TRIP12: variants seen among roughly 807,000 people sequenced by gnomAD.
TRIP12 encodes the protein thyroid hormone receptor interactor 12, also known as E3 ubiquitin-protein ligase TRIP12.
A neutral mutation model predicts 244.2 loss-of-function variants in TRIP12; 25 were observed. The ratio of observed to expected loss-of-function variants is 0.10; its 90% CI spans 0.07 to 0.14. The LOEUF is 0.14. Ranked by LOEUF, TRIP12 falls within the 10% of genes least tolerant of loss-of-function variation. TRIP12 has a pLI of 1.00. For missense variants in TRIP12, 1,677 were observed against 2,486.4 expected (o/e 0.67, Z 6.92); for synonymous variants, 905 against 873.1 (o/e 1.04, Z -0.64).
chr2:229,849,210 C>CA (rs1487359889), intron 4 of TRIP12, among the ~76,000 whole-genome samples: 45 of 152,110 alleles, frequency 3.0e-4, no homozygotes, highest in African/African-American at 1.1e-3. Flanking sequence ...AAAACAACAA[C>CA]AAAAAGGAAT....
chr2:229,817,829 A>G (rs2048884668), intron 9 of TRIP12, among the ~76,000 whole-genome samples: 1 of 152,310 alleles, frequency 6.6e-6, no homozygotes, highest in African/African-American at 2.4e-5. Flanking sequence ...TCCTGACCTC[A>G]GAAGATCCAC....
intron 8 of TRIP12, among the ~76,000 whole-genome samples, chr2:229,824,204 T>C (rs1305340597): frequency 6.6e-6 from 1 of 152,142 alleles, no homozygotes; most frequent in South Asian, 2.1e-4. Context: ...ACCAATGAAT[T>C]TGCATTATAC....
At chr2:229,786,188 C>T (rs1240796607) in intron 33 of TRIP12, among the ~76,000 whole-genome samples, 1 of 152,076 alleles carries the variant, frequency 6.6e-6, no homozygotes, top group African/African-American at 2.4e-5. Context: ...TGAAATTTCC[C>T]TGGGTACATT....
chr2:229,824,512 T>C (rs2050965716), intron 8 of TRIP12, among the ~76,000 whole-genome samples: 1 of 151,434 alleles, frequency 6.6e-6, no homozygotes, highest in Non-Finnish European at 1.5e-5. Flanking sequence ...GCCTTGCCAA[T>C]AGAAAAAAAA....
intron 4 of TRIP12, among the ~76,000 whole-genome samples, chr2:229,850,756 T>C (rs1330013257): frequency 6.6e-6 from 1 of 152,176 alleles, no homozygotes; most frequent in Admixed American, 6.5e-5. Flanking sequence ...CACCCGGCGC[T>C]TGCGGGCCAG....
At chr2:229,767,776 G>A (rs2032276733) in intron 41 of TRIP12, 26 bp from the exon 42 acceptor site, 1 of 1,587,452 alleles carries the variant, frequency 6.3e-7, no homozygotes. Flanking sequence ...AGAAAGACAA[G>A]GAACTTAAGT....
chr2:229,858,951 C>T lies in TRIP12; in HGVS notation c.848G>A (p.Ser283Asn). Residue 283 changes from serine (S) to asparagine (N), a missense_variant, in exon 4 of 42, where the codon AGC becomes AAC. By Grantham distance (46) the Ser-to-Asn change is conservative (BLOSUM62 1). Transcript: ENST00000675903. Reference sequence around the variant, plus strand: ...CTTTTCCCTGCTACTTCTTCTGGGGCTGGGACTGGACGCTGAACGGGAACG... The same window carrying T: ...CTTTTCCCTGCTACTTCTTCTGGGGTTGGGACTGGACGCTGAACGGGAACG... Reference protein sequence around the residue: ...ARRSRSASSPSPRRSSREKEQ... With the variant: ...ARRSRSASSPNPRRSSREKEQ... The T allele has an allele frequency of 6.2e-7, 1 of 1,614,180 alleles. No individual in the cohort carries two copies. The highest frequency in any genetic ancestry group is 2.2e-5 in the East Asian group (1 of 44,876).
intron 1 of TRIP12, among the ~76,000 whole-genome samples, chr2:229,901,394 G>C (rs2070774565): frequency 6.6e-6 from 1 of 151,700 alleles, no homozygotes; most frequent in South Asian, 2.1e-4. Flanking sequence ...GCTAAGGTGG[G>C]TGGATCACCT....
intron 39 of TRIP12, among the ~76,000 whole-genome samples, chr2:229,771,124 G>GA (rs1378747403): frequency 6.6e-6 from 1 of 152,188 alleles, no homozygotes; most frequent in East Asian, 1.9e-4. Flanking sequence ...CTTTGATTGT[G>GA]AAACAATGTC....
Position 229,814,215 on chromosome 2 carries a change from T to C in TRIP12, c.1824+18A>G. 1.2e-6 allele frequency: 2 copies of C among 1,611,286 alleles called. No homozygotes were observed. Among genetic ancestry groups the C allele is most frequent in the East Asian group, 2.2e-5 (1 of 44,868 alleles). On this transcript the variant is annotated intron_variant, in intron 12 of 41. Transcript: ENST00000675903. ...CTACATAAAGTGAAATGTAGTCCCC[T>C]TCAGTAACAACACTTACCGCCTGTA...
intron 2 of TRIP12, among the ~76,000 whole-genome samples, chr2:229,863,228 C>CG: frequency 7.8e-6 from 1 of 128,066 alleles, no homozygotes; most frequent in Non-Finnish European, 1.6e-5. Flanking sequence ...GACTCCATCT[C>CG]GAAAAAAAAA....
At chr2:229,852,089 G>A (rs901195721) in intron 4 of TRIP12, among the ~76,000 whole-genome samples, 2 of 152,132 alleles carry the variant, frequency 1.3e-5, no homozygotes, top group African/African-American at 4.8e-5. Context: ...TCTTGTCTAG[G>A]TCTGATAAAA....
intron 39 of TRIP12, 30 bp downstream of exon 39, chr2:229,771,489 G>T: frequency 6.4e-7 from 1 of 1,565,806 alleles, no homozygotes; most frequent in South Asian, 1.1e-5. Context: ...TTATAGGTAT[G>T]ACCATTTCTT....
At position 229,813,787 on chromosome 2, in the gene TRIP12, A is replaced by T. The variant is rs2047845748; in HGVS notation, c.1986+83T>A. The T allele has an allele frequency of 5.7e-6, 6 of 1,049,648 alleles. No individual in the cohort carries two copies. The South Asian group carries it at 1.3e-4, about 23-fold the overall frequency. The allele number at this position is 1,049,648 out of a possible 1,614,324, so 65.0% of individuals were successfully genotyped here. A position where few individuals can be genotyped will look rare whatever the true frequency, so the allele number is the denominator to read the frequency against. ...TAACAGAGCGAGACTCCCATCTCAAAAAAATAAAATAAAATAAAATATAAA... is the reference window on the plus strand; with the variant it reads ...TAACAGAGCGAGACTCCCATCTCAATAAAATAAAATAAAATAAAATATAAA... On this transcript the variant is annotated intron_variant, in intron 13 of 41. Transcript: ENST00000675903.
At chr2:229,858,628 AT>A in intron 4 of TRIP12, 143 bp downstream of exon 4, 1 of 688,804 alleles carries the variant, frequency 1.5e-6, no homozygotes, top group Non-Finnish European at 2.4e-6. Context: ...ACATGCTGTT[AT>A]GTACTTAATT....
upstream of TRIP12, chr2:229,922,358 C>A: frequency 1.4e-6 from 1 of 703,148 alleles, no homozygotes; most frequent in Non-Finnish European, 2.4e-6. Context: ...ATCAGGGTTC[C>A]CTAAGACCCT....
intron 2 of TRIP12, among the ~76,000 whole-genome samples, chr2:229,871,208 G>A (rs557857908): frequency 6.7e-6 from 1 of 148,750 alleles, no homozygotes; most frequent in East Asian, 2.0e-4. Flanking sequence ...GGAGGGGAGG[G>A]GAGGGGACCG....
intron 8 of TRIP12, among the ~76,000 whole-genome samples, chr2:229,824,890 G>A (rs934511118): frequency 6.6e-6 from 1 of 152,188 alleles, no homozygotes; most frequent in Non-Finnish European, 1.5e-5. Context: ...GTTGTTTGTA[G>A]ATTTGACTTT....
chr2:229,774,020 A>T, intron 38 of TRIP12, 77 bp downstream of exon 38: 1 of 1,488,654 alleles, frequency 6.7e-7, no homozygotes, highest in Admixed American at 1.9e-5. Context: ...TAGCGTGTGC[A>T]GCCAGAAGCA....
Sources: gnomAD v4.1 joint callset for allele counts (sites outside exome capture counted in the v4.1 genomes callset) on GRCh38, gnomAD v4.1.1 for gene constraint, MANE v1.5 for transcripts, NCBI Gene and HGNC (gene_info 2026-07-23, HGNC 2026-07-21) for gene names.